Variants in CPEB2 observed in about 807,000 individuals in gnomAD.
The protein encoded by CPEB2 is cytoplasmic polyadenylation element binding protein 2.
In CPEB2, 56 loss-of-function variants were observed where a neutral mutation model predicts 93.6. The ratio of observed to expected loss-of-function variants is 0.60; its 90% confidence interval spans 0.48 to 0.75. The LOEUF is 0.75. Among genes scored for constraint, CPEB2 ranks in the 30% least tolerant of loss-of-function variants. The probability of loss-of-function intolerance (pLI) is 0.00; values close to 1 mark genes in which losing one functional copy is unlikely to be tolerated. For missense variants in CPEB2, 1,579 were observed against 1,395.1 expected (o/e 1.13, Z -2.10); for synonymous variants, 764 against 586.3 (o/e 1.30, Z -4.38).
chr4:15,068,203 A>G lies in CPEB2; in HGVS notation c.*1823A>G, dbSNP rs1729840642. 1 of 152,230 alleles carries G rather than the reference A, an allele frequency of 6.6e-6. No homozygotes were observed. The allele number at this position is 152,230 out of a possible 1,614,324, so 9.4% of individuals were successfully genotyped here. A position where few individuals can be genotyped will look rare whatever the true frequency, so the allele number is the denominator to read the frequency against. The stretch of plus-strand genomic sequence containing the variant: ...TTCATGTGAGCAAAGTGTTGATCTT[A>G]ATATTGGTTGTCTGTGGTGTGCTTT... On this transcript the variant is annotated 3_prime_UTR_variant, in exon 12 of 12. Coordinates refer to ENST00000538197, the MANE Select transcript of CPEB2 (RefSeq NM_001177382.2).
intron 8 of CPEB2, among the ~76,000 whole-genome samples, chr4:15,055,318 C>G (rs1488711105): frequency 1.3e-5 from 2 of 152,122 alleles, no homozygotes; most frequent in Non-Finnish European, 2.9e-5. Context: ...ATCTACCTCT[C>G]TCCATGTAGT....
At position 15,026,446 on chromosome 4, in the gene CPEB2, T is replaced by C. The variant is rs573466989; in HGVS notation, c.2126-6715T>C. On this transcript the variant is annotated intron_variant, in intron 4 of 11. Transcript: ENST00000538197. The stretch of plus-strand genomic sequence containing the variant: ...TTTCACCATGTTAGCCAGGATGGTC[T>C]TGATCTCCTGACCTCATGATCCACC... Among the ~76,000 whole-genome samples, 1,012 of 152,296 alleles carry C rather than the reference T, an allele frequency of 6.6e-3. 12 individuals carry two copies. The highest frequency in any genetic ancestry group is 0.023 in the African/African-American group (952 of 41,580).
Position 15,054,200 on chromosome 4 carries a change from C to T in CPEB2, c.2444C>T (p.Ser815Phe). Residue 815 changes from serine (S) to phenylalanine (F), a missense_variant, in exon 8 of 12, where the codon TCC (serine) becomes TTC (phenylalanine). Physicochemically the swap from Ser to Phe is radical, Grantham distance 155. Coordinates refer to ENST00000538197, the MANE Select transcript of CPEB2 (RefSeq NM_001177382.2). ...TGGCCTCATAAAGCAGAAAGCAAGT[C>T]CTATTTTCCACCAAAAGGTAAGGAT... is the stretch of plus-strand genomic sequence containing the variant. ...VDWPHKAESK[S>F]YFPPKGYAFL... 6.2e-7 allele frequency: 1 copy of T among 1,609,262 alleles called. No homozygotes were observed. Among genetic ancestry groups the T allele is most frequent in the Non-Finnish European group, 8.5e-7 (1 of 1,177,670 alleles).
chr4:15,016,392 G>A (rs1724150392), intron 3 of CPEB2, among the ~76,000 whole-genome samples: 1 of 151,986 alleles, frequency 6.6e-6, no homozygotes, highest in African/African-American at 2.4e-5. Context: ...GGACATTAAA[G>A]AGTCAGATTC....
intron 3 of CPEB2, among the ~76,000 whole-genome samples, chr4:15,015,152 A>C (rs566879175): frequency 9.2e-5 from 14 of 152,178 alleles, no homozygotes; most frequent in African/African-American, 2.9e-4. Flanking sequence ...CTTGTTAGAA[A>C]TACATACTCT....
At chr4:15,056,621 A>AT (rs1728736681) in intron 8 of CPEB2, among the ~76,000 whole-genome samples, 1 of 151,904 alleles carries the variant, frequency 6.6e-6, no homozygotes, top group Admixed American at 6.6e-5. Flanking sequence ...AAGCAATTTT[A>AT]TTATTTCTGT....
At chr4:15,041,369 T>A (rs891081955) in intron 6 of CPEB2, among the ~76,000 whole-genome samples, 1 of 152,018 alleles carries the variant, frequency 6.6e-6, no homozygotes, top group Non-Finnish European at 1.5e-5. Context: ...CCTTAAGCCA[T>A]AGAGGATAGA....
intron 3 of CPEB2, among the ~76,000 whole-genome samples, chr4:15,011,092 A>ATTTCT (rs1434269915): frequency 1.4e-5 from 2 of 147,200 alleles, no homozygotes; most frequent in African/African-American, 5.0e-5. Flanking sequence ...ATCTCTATGA[A>ATTTCT]TTTCTTTTCT....
chr4:15,046,970 A>T (rs1727763930), intron 6 of CPEB2, among the ~76,000 whole-genome samples: 1 of 152,172 alleles, frequency 6.6e-6, no homozygotes, highest in Admixed American at 6.5e-5. Flanking sequence ...ATTTTTCAGT[A>T]TGGTGTGATA....
chr4:15,007,176 C>T (rs1490110377), intron 1 of CPEB2, 129 bp from the exon 2 acceptor site: 4 of 706,838 alleles, frequency 5.7e-6, no homozygotes, highest in South Asian at 8.0e-5. Flanking sequence ...ACTTTTATAA[C>T]CTAGAAAAGA....
chr4:15,020,630 G>C (rs1022456994), intron 4 of CPEB2, among the ~76,000 whole-genome samples: 31 of 152,270 alleles, frequency 2.0e-4, no homozygotes, highest in African/African-American at 7.0e-4. Flanking sequence ...CAGGTAGGAA[G>C]GGTCTAGTCT....
chr4:15,065,600 C>G (rs1359434979), intron 11 of CPEB2, among the ~76,000 whole-genome samples: 1 of 152,130 alleles, frequency 6.6e-6, no homozygotes, highest in African/African-American at 2.4e-5. Context: ...TGACTCCAGT[C>G]TGAAGTGTTC....
At chr4:15,058,400 C>T (rs1305197903) in intron 8 of CPEB2, 21 bp from the exon 9 acceptor site, 2 of 1,411,238 alleles carry the variant, frequency 1.4e-6, no homozygotes, top group Non-Finnish European at 2.0e-6. Context: ...CATATTGCCT[C>T]ATCTTTAATG....
rs1356547584 is a variant in CPEB2 at position 15,002,905 on chromosome 4, G to A, written c.232G>A (p.Ala78Thr). Residue 78 changes from alanine to threonine, a missense_variant, in exon 1 of 12, where the codon GCC becomes ACC. By Grantham distance (58) the Ala-to-Thr change is moderately conservative. Coordinates refer to ENST00000538197, the MANE Select transcript of CPEB2 (RefSeq NM_001177382.2). The stretch of plus-strand genomic sequence containing the variant: ...CGGCGGCGGCGCGGGCAGCCCGGCC[G>A]CCGCCGCTTCCTCTTCCTCCCCGTT... ...PLGGGAGSPA[A>T]AASSSSPFLA... is the part of the protein sequence containing the mutation. 6.6e-7 allele frequency: 1 copy of A among 1,507,014 alleles called. No individual in the cohort carries two copies. Among genetic ancestry groups the A allele is most frequent in the South Asian group, 1.2e-5 (1 of 80,676 alleles). The allele number at this position is 1,507,014 out of a possible 1,614,324, so 93.4% of individuals were successfully genotyped here. A position where few individuals can be genotyped will look rare whatever the true frequency, so the allele number is the denominator to read the frequency against.
intron 4 of CPEB2, among the ~76,000 whole-genome samples, chr4:15,022,464 TA>T (rs1427269525): frequency 6.6e-6 from 1 of 152,022 alleles, no homozygotes; most frequent in East Asian, 1.9e-4. Context: ...AAAAAGAGTA[TA>T]GAAGAAAATC....
rs1022944529 is a variant in CPEB2, at chr4:15,069,082, C to T, written c.*2702C>T. 6 of 151,372 alleles carry T rather than the reference C, an allele frequency of 4.0e-5. No individual in the cohort carries two copies. Among genetic ancestry groups the T allele is most frequent in the African/African-American group, 9.7e-5 (4 of 41,138 alleles). The allele number at this position is 151,372 out of a possible 1,614,324, so 9.4% of individuals were successfully genotyped here. On this transcript the variant is annotated 3_prime_UTR_variant, in exon 12 of 12. Coordinates refer to ENST00000538197, the MANE Select transcript of CPEB2 (RefSeq NM_001177382.2). ...TTAAAAGCTTCTTCACTTGTGTTCCCTAAATATTCATATTGCTGCCCAAAA... is the reference window on the plus strand; with the variant it reads ...TTAAAAGCTTCTTCACTTGTGTTCCTTAAATATTCATATTGCTGCCCAAAA...
In CPEB2 at chr4:15,066,677, C is replaced by A. The variant is rs1165551498; in HGVS notation, c.*297C>A. 2.8e-6 allele frequency: 1 copy of A among 357,980 alleles called. No homozygotes were observed. The allele number at this position is 357,980 out of a possible 1,614,324, so 22.2% of individuals were successfully genotyped here. ...TAAAATTAGATATGAGAATGTTTTG[C>A]GTAGGGGCAACACAGTCTGCTGCTA... is the stretch of plus-strand genomic sequence containing the variant. On this transcript the variant is annotated 3_prime_UTR_variant, in exon 12 of 12. Coordinates refer to ENST00000538197, the MANE Select transcript of CPEB2 (RefSeq NM_001177382.2).
intron 6 of CPEB2, among the ~76,000 whole-genome samples, chr4:15,048,363 G>C (rs990890098): frequency 5.3e-5 from 8 of 151,842 alleles, no homozygotes; most frequent in African/African-American, 1.9e-4. Flanking sequence ...TCTGTCGGAA[G>C]ATTTTTTTAT....
intron 5 of CPEB2, among the ~76,000 whole-genome samples, chr4:15,034,837 C>T (rs1422229744): frequency 1.3e-5 from 2 of 152,028 alleles, no homozygotes; most frequent in Non-Finnish European, 2.9e-5. Context: ...TTAGTAGACA[C>T]CAGGGTTACT....
Sources: allele counts gnomAD v4.1 joint callset (sites outside exome capture counted in the v4.1 genomes callset), GRCh38; gene constraint gnomAD v4.1.1; transcripts MANE v1.5; gene names NCBI Gene and HGNC (gene_info 2026-07-23, HGNC 2026-07-21).